AKAP7: variants seen among roughly 807,000 people sequenced by gnomAD.
The protein encoded by AKAP7 is A-kinase anchoring protein 7, also known as A kinase (PRKA) anchor protein 7.
A neutral mutation model predicts 39.5 loss-of-function variants in AKAP7; 39 were observed. The observed-to-expected ratio is 0.99, with a 90% CI of 0.76 to 1.29. AKAP7 has a LOEUF of 1.29. Ranked by LOEUF, AKAP7 falls within the 50% of genes most tolerant of loss-of-function variation. AKAP7 has a pLI of 0.00. For synonymous variants in AKAP7, 140 were observed against 139.1 expected (o/e 1.01, Z -0.05); for missense variants, 414 against 407.7 (o/e 1.02, Z -0.13).
At chr6:131,152,172 A>G (rs1801977659) in intron 2 of AKAP7, among the ~76,000 whole-genome samples, 1 of 152,242 alleles carries the variant, frequency 6.6e-6, no homozygotes, top group African/African-American at 2.4e-5. Context: ...TAAATTTGTA[A>G]GATGGGTTTA....
At chr6:131,279,727 A>C (rs1045336141) in intron 7 of AKAP7, among the ~76,000 whole-genome samples, 1 of 152,184 alleles carries the variant, frequency 6.6e-6, no homozygotes, top group African/African-American at 2.4e-5. Context: ...CTTGCTGATG[A>C]GAAAGCTGAC....
At chr6:131,218,744 T>G (rs1809429764) in intron 6 of AKAP7, among the ~76,000 whole-genome samples, 1 of 152,184 alleles carries the variant, frequency 6.6e-6, no homozygotes, top group African/African-American at 2.4e-5. Flanking sequence ...CAGCTGTTTC[T>G]GCTAAGAAAA....
upstream of AKAP7, among the ~76,000 whole-genome samples, chr6:131,133,302 C>T (rs1235565760): frequency 1.3e-5 from 2 of 152,084 alleles, no homozygotes; most frequent in African/African-American, 2.4e-5. Flanking sequence ...ACAATAATTA[C>T]AGGTGTTATC....
intron 1 of AKAP7, among the ~76,000 whole-genome samples, chr6:131,139,196 T>C (rs961566521): frequency 6.6e-6 from 1 of 152,190 alleles, no homozygotes; most frequent in Non-Finnish European, 1.5e-5. Context: ...GTTCTAAATA[T>C]TTGGTTTGAG....
intron 7 of AKAP7, among the ~76,000 whole-genome samples, chr6:131,237,469 T>G (rs1371913168): frequency 6.6e-6 from 1 of 152,232 alleles, no homozygotes; most frequent in Non-Finnish European, 1.5e-5. Flanking sequence ...TGGAATAATT[T>G]CAGAAGGAAT....
At chr6:131,241,615 G>GTATATACGTATATATATA (rs1461603235) in intron 7 of AKAP7, among the ~76,000 whole-genome samples, 20 of 101,334 alleles carry the variant, frequency 2.0e-4, no homozygotes, top group African/African-American at 6.4e-4. Context: ...GTGTGTGTGT[G>GTATATACGTATATATATA]TGTGTGTGTG....
chr6:131,227,455 T>C (rs1392146193), intron 7 of AKAP7, among the ~76,000 whole-genome samples: 1 of 152,106 alleles, frequency 6.6e-6, no homozygotes, highest in African/African-American at 2.4e-5. Flanking sequence ...AGTAGATAAA[T>C]GTGAGATAAA....
intron 1 of AKAP7, among the ~76,000 whole-genome samples, chr6:131,139,761 CT>C (rs891010555): frequency 1.3e-5 from 2 of 152,200 alleles, no homozygotes; most frequent in African/African-American, 4.8e-5. Context: ...TAAGACAAGG[CT>C]TTTAAGGAAC....
chr6:131,236,275 G>A (rs902034403), intron 7 of AKAP7, among the ~76,000 whole-genome samples: 3 of 152,022 alleles, frequency 2.0e-5, no homozygotes, highest in Non-Finnish European at 4.4e-5. Context: ...TCTCTGTTTT[G>A]GTACCAGTAC....
At chr6:131,177,833 A>G (rs1804730263) in intron 5 of AKAP7, among the ~76,000 whole-genome samples, 1 of 152,204 alleles carries the variant, frequency 6.6e-6, no homozygotes, top group Non-Finnish European at 1.5e-5. Flanking sequence ...CGGACTCCCT[A>G]AACATTTTCC....
chr6:131,183,701 TG>T (rs1348977529), intron 5 of AKAP7, among the ~76,000 whole-genome samples: 6 of 151,896 alleles, frequency 4.0e-5, no homozygotes, highest in African/African-American at 1.5e-4. Context: ...CTGCTCCCCC[TG>T]GGGTGGGGTG....
intron 4 of AKAP7, among the ~76,000 whole-genome samples, chr6:131,165,573 T>C (rs779889927): frequency 1.1e-4 from 17 of 149,110 alleles, no homozygotes; most frequent in East Asian, 1.9e-4. Flanking sequence ...ATGTACTTTC[T>C]AAGTAAATGA....
At chr6:131,133,154 ATCTT>A (rs200420388), upstream of AKAP7, among the ~76,000 whole-genome samples, 632 of 152,282 alleles carry the variant, frequency 4.2e-3, 9 homozygotes, top group African/African-American at 0.015. Context: ...GTCATGGTAA[ATCTT>A]TCTTTCCCTT....
At chr6:131,241,519 G>A (rs1385679498) in intron 7 of AKAP7, among the ~76,000 whole-genome samples, 1 of 150,964 alleles carries the variant, frequency 6.6e-6, no homozygotes, top group East Asian at 1.9e-4. Flanking sequence ...TATGAAAGCA[G>A]CTGTGGCCCA....
At chr6:131,247,269 G>GCATA in intron 7 of AKAP7, among the ~76,000 whole-genome samples, 1 of 91,922 alleles carries the variant, frequency 1.1e-5, no homozygotes, top group South Asian at 3.9e-4. Flanking sequence ...CATTTCATAT[G>GCATA]TATATATATA....
chr6:131,210,629 C>T (rs142857765), intron 6 of AKAP7, among the ~76,000 whole-genome samples: 36 of 152,322 alleles, frequency 2.4e-4, no homozygotes, highest in African/African-American at 8.4e-4. Context: ...TTGGGGATTG[C>T]CTTCCCCACA....
intron 5 of AKAP7, among the ~76,000 whole-genome samples, chr6:131,195,962 CT>C (rs1294080679): frequency 6.6e-6 from 1 of 152,104 alleles, no homozygotes; most frequent in Non-Finnish European, 1.5e-5. Context: ...CTATAACCTT[CT>C]TGTACTTGAA....
intron 6 of AKAP7, among the ~76,000 whole-genome samples, chr6:131,218,510 GC>G (rs1391665192): frequency 6.6e-6 from 1 of 152,040 alleles, no homozygotes; most frequent in Non-Finnish European, 1.5e-5. Context: ...TAATATTTTT[GC>G]TTTTATAAAT....
chr6:131,258,955 C>A (rs1201900225), intron 7 of AKAP7, among the ~76,000 whole-genome samples: 1 of 152,096 alleles, frequency 6.6e-6, no homozygotes, highest in Non-Finnish European at 1.5e-5. Flanking sequence ...GGAGTCAGAG[C>A]TCACCTAGTT....
Sources: allele counts gnomAD v4.1 joint callset (sites outside exome capture counted in the v4.1 genomes callset), GRCh38; gene constraint gnomAD v4.1.1; transcripts MANE v1.5; gene names NCBI Gene and HGNC (gene_info 2026-07-23, HGNC 2026-07-21).